ERBB4: variants seen among roughly 807,000 people sequenced by gnomAD.
The protein encoded by ERBB4 is erb-b2 receptor tyrosine kinase 4, also known as receptor tyrosine-protein kinase erbB-4.
ERBB4 carries 42 observed loss-of-function variants against 158.0 expected under a neutral mutation model. The ratio of observed to expected loss-of-function variants is 0.27; its 90% CI spans 0.21 to 0.34. ERBB4 has a LOEUF of 0.34. Ranked by LOEUF, ERBB4 falls within the 10% of genes least tolerant of loss-of-function variation. The pLI is 1.00. For missense variants in ERBB4, 1,333 were observed against 1,624.1 expected, an observed-to-expected ratio of 0.82 and a Z score of 3.08; for synonymous variants, 583 against 558.7, an observed-to-expected ratio of 1.04 and a Z score of -0.61.
At chr2:211,808,714 C>A (rs1273333540) in intron 3 of ERBB4, among the ~76,000 whole-genome samples, 1 of 152,066 alleles carries the variant, frequency 6.6e-6, no homozygotes, top group African/African-American at 2.4e-5. Flanking sequence ...TAAATCACTT[C>A]GGGCAGTATG....
intron 3 of ERBB4, among the ~76,000 whole-genome samples, chr2:211,899,915 G>T (rs1486410288): frequency 6.6e-6 from 1 of 152,056 alleles, no homozygotes; most frequent in African/African-American, 2.4e-5. Flanking sequence ...ATCTAAAATT[G>T]GAATAAACGG....
intron 4 of ERBB4, among the ~76,000 whole-genome samples, chr2:211,786,912 T>C (rs1192993809): frequency 6.6e-6 from 1 of 152,186 alleles, no homozygotes; most frequent in Non-Finnish European, 1.5e-5. Flanking sequence ...GTAGGCAACA[T>C]GAATGCCATA....
chr2:211,901,154 G>A (rs1339232450), intron 3 of ERBB4, among the ~76,000 whole-genome samples: 1 of 152,094 alleles, frequency 6.6e-6, no homozygotes, highest in Non-Finnish European at 1.5e-5. Flanking sequence ...AGAGTGGTAG[G>A]ATCATGTTCT....
intron 20 of ERBB4, among the ~76,000 whole-genome samples, chr2:211,508,687 T>G (rs2065810742): frequency 1.3e-5 from 2 of 152,156 alleles, no homozygotes; most frequent in African/African-American, 4.8e-5. Context: ...ATATGTGTAT[T>G]CTACTATAAG....
chr2:212,039,120 G>A (rs769162737), intron 2 of ERBB4, among the ~76,000 whole-genome samples: 16 of 151,746 alleles, frequency 1.1e-4, no homozygotes, highest in Admixed American at 3.3e-4. Flanking sequence ...TTTATATTCC[G>A]GGTGCTATAC....
Position 212,239,438 on chromosome 2 carries a change from A to C in ERBB4, c.83-114535T>G, listed in dbSNP as rs2084003373. The stretch of plus-strand genomic sequence containing the variant: ...TGTTACATGGTACAATTTGTAGCAA[A>C]GTGTTTTGTAGGGAGTAAATCACCA... On this transcript the variant is annotated intron_variant, in intron 1 of 27. Coordinates refer to ENST00000342788, the MANE Select transcript of ERBB4 (RefSeq NM_005235.3). 2.0e-5 allele frequency among the ~76,000 whole-genome samples: 3 copies of C among 152,240 alleles called. No homozygotes were observed. The South Asian group carries it at 6.2e-4, about 31-fold the overall frequency.
At chr2:211,647,291 C>T (rs1391025621) in intron 16 of ERBB4, among the ~76,000 whole-genome samples, 1 of 151,570 alleles carries the variant, frequency 6.6e-6, no homozygotes, top group African/African-American at 2.4e-5. Flanking sequence ...CTCAAAATTT[C>T]ACCCATTCTC....
chr2:211,402,901 C>G (rs777259229), intron 25 of ERBB4, among the ~76,000 whole-genome samples: 1 of 151,956 alleles, frequency 6.6e-6, no homozygotes, highest in Admixed American at 6.6e-5. Context: ...TCCTGACAGC[C>G]GTTCCTCCTA....
intron 1 of ERBB4, among the ~76,000 whole-genome samples, chr2:212,237,960 G>A (rs1215614160): frequency 6.6e-6 from 1 of 152,182 alleles, no homozygotes; most frequent in African/African-American, 2.4e-5. Context: ...GTTGACTTCA[G>A]ACTGCTGTGC....
chr2:211,583,547 G>C (rs1378270344), intron 19 of ERBB4, among the ~76,000 whole-genome samples: 1 of 151,378 alleles, frequency 6.6e-6, no homozygotes, highest in Non-Finnish European at 1.5e-5. Context: ...TTTTTTGATA[G>C]TTTTATTTTC....
intron 1 of ERBB4, among the ~76,000 whole-genome samples, chr2:212,448,370 A>T (rs1437237363): frequency 6.6e-6 from 1 of 152,206 alleles, no homozygotes; most frequent in African/African-American, 2.4e-5. Flanking sequence ...ACACTGTTTG[A>T]AAGATTCATT....
chr2:211,535,738 G>C (rs778327428), intron 20 of ERBB4: 1 of 152,712 alleles, frequency 6.5e-6, no homozygotes, highest in African/African-American at 2.4e-5. Context: ...TACTTGGATG[G>C]GAGAAGTGTA....
intron 3 of ERBB4, among the ~76,000 whole-genome samples, chr2:211,832,665 G>T (rs992314219): frequency 6.6e-6 from 1 of 150,740 alleles, no homozygotes; most frequent in African/African-American, 2.4e-5. Flanking sequence ...TTGTGTATCA[G>T]AAGGGGTTAG....
chr2:211,418,327 G>A (rs1471074771), intron 25 of ERBB4, among the ~76,000 whole-genome samples: 2 of 152,078 alleles, frequency 1.3e-5, no homozygotes, highest in Non-Finnish European at 2.9e-5. Flanking sequence ...GTTACGTAAA[G>A]CCAGACTGAA....
At chr2:212,005,376 G>A (rs1038130380) in intron 2 of ERBB4, among the ~76,000 whole-genome samples, 2 of 151,934 alleles carry the variant, frequency 1.3e-5, no homozygotes, top group Non-Finnish European at 2.9e-5. Flanking sequence ...ACACCTTTTG[G>A]GGACAGCTAC....
At chr2:211,462,764 A>C (rs1453178447) in intron 20 of ERBB4, among the ~76,000 whole-genome samples, 3 of 152,204 alleles carry the variant, frequency 2.0e-5, no homozygotes, top group Non-Finnish European at 4.4e-5. Context: ...AGTGAAAAAA[A>C]TATTGTCAGC....
In ERBB4 at chr2:211,562,769, C is replaced by CTTTTTTTTT. The variant is rs367801279; in HGVS notation, c.2302-690_2302-682dup. Among the ~76,000 whole-genome samples the CTTTTTTTTT allele has an allele frequency of 5.5e-4, 69 of 125,710 alleles. 1 individual carries two copies. Among genetic ancestry groups the CTTTTTTTTT allele is most frequent in the African/African-American group, 1.3e-3 (37 of 28,298 alleles). 82.5% of individuals were successfully genotyped at this position (125,710 alleles called of 152,430 possible). ...GACTATAAAAATTTGACTACTCCAA[C>CTTTTTTTTT]TTTTTTTTTTTTTTTTTTTTGAGAC... On this transcript the variant is annotated intron_variant, in intron 19 of 27. Coordinates refer to ENST00000342788, the MANE Select transcript of ERBB4 (RefSeq NM_005235.3).
intron 1 of ERBB4, among the ~76,000 whole-genome samples, chr2:212,305,910 T>C (rs2086792454): frequency 6.6e-6 from 1 of 151,362 alleles, no homozygotes; most frequent in Non-Finnish European, 1.5e-5. Context: ...AATATGATTG[T>C]AAAAATAGCC....
chr2:211,591,823 A>C (rs1447618498), intron 19 of ERBB4, among the ~76,000 whole-genome samples: 1 of 152,212 alleles, frequency 6.6e-6, no homozygotes, highest in African/African-American at 2.4e-5. Flanking sequence ...GAAATATAAA[A>C]ACCATGTAAC....
Sources: gnomAD v4.1 joint callset for allele counts (sites outside exome capture counted in the v4.1 genomes callset) on GRCh38, gnomAD v4.1.1 for gene constraint, MANE v1.5 for transcripts, NCBI Gene and HGNC (gene_info 2026-07-23, HGNC 2026-07-21) for gene names.